The following DMBX1 variants were observed in gnomAD, a reference collection of about 807,000 sequenced individuals.
DMBX1 encodes diencephalon/mesencephalon homeobox 1, also known as diencephalon/mesencephalon homeobox protein 1.
In DMBX1, 7 loss-of-function variants were observed where a neutral mutation model predicts 30.4. The observed-to-expected ratio is 0.23, with a 90% CI of 0.13 to 0.43. DMBX1 has a LOEUF of 0.43. Among genes scored for constraint, DMBX1 ranks in the 20% least tolerant of loss-of-function variants. The pLI, the probability that DMBX1 is intolerant of heterozygous loss-of-function variation, is 1.00. For synonymous variants in DMBX1, 222 were observed against 214.2 expected, an observed-to-expected ratio of 1.04 and a Z score of -0.32; for missense variants, 460 against 508.5, an observed-to-expected ratio of 0.90 and a Z score of 0.92.
chr1:46,497,351 G>T (rs560490501), intron 2 of DMBX1, among the ~76,000 whole-genome samples: 13 of 152,308 alleles, frequency 8.5e-5, no homozygotes, highest in African/African-American at 3.1e-4. Context: ...GGTAGCTGTT[G>T]TTATTGTTGT....
Position 46,512,517 on chromosome 1 carries a change from A to T in DMBX1, c.*23A>T, listed in dbSNP as rs1210878365. On this transcript the variant is annotated 3_prime_UTR_variant, in exon 6 of 6. Transcript: ENST00000360032. The surrounding 1 kb of genome is among the most constrained non-coding windows in gnomAD (Gnocchi z 4.8). Reference sequence around the variant, plus strand: ...TGACTGTCTGGCTTCCAACCCAGCCAGGGGTCTTAGGTGTCCCCTCCTAGC... The same window carrying T: ...TGACTGTCTGGCTTCCAACCCAGCCTGGGGTCTTAGGTGTCCCCTCCTAGC... The T allele has an allele frequency of 6.3e-7, 1 of 1,589,596 alleles. No homozygotes were observed. Among genetic ancestry groups the T allele is most frequent in the African/African-American group, 1.3e-5 (1 of 74,556 alleles).
At chr1:46,501,113 C>G (rs768592150) in intron 2 of DMBX1, among the ~76,000 whole-genome samples, 1 of 152,022 alleles carries the variant, frequency 6.6e-6, no homozygotes, top group Non-Finnish European at 1.5e-5. Context: ...CTAATCTGAT[C>G]GGTAAACAAT....
chr1:46,511,018 T>C lies in DMBX1; in HGVS notation c.417T>C (p.Ala139=). The part of the protein sequence containing the change: ...QKEQLQKQKE[A]EGSHGEGKAE... ...AACAGCTCCAGAAGCAGAAGGAGGC[T>C]GAGGGCTCCCATGGGGAAGGCAAGG... The change falls in exon 5 of 6, where the codon GCT becomes GCC. Residue 139 remains alanine, a synonymous_variant. Coordinates refer to ENST00000360032, the MANE Select transcript of DMBX1 (RefSeq NM_172225.2). 1.2e-6 allele frequency: 2 copies of C among 1,614,084 alleles called. No individual in the cohort carries two copies. The highest frequency in any genetic ancestry group is 1.7e-6 in the Non-Finnish European group (2 of 1,179,996).
intron 2 of DMBX1, among the ~76,000 whole-genome samples, chr1:46,503,630 C>T (rs949676128): frequency 3.9e-5 from 6 of 152,140 alleles, no homozygotes; most frequent in Non-Finnish European, 7.3e-5. Flanking sequence ...AGAATGTCTG[C>T]GTACGTGTAT....
chr1:46,494,838 A>AC (rs113247392), intron 2 of DMBX1, among the ~76,000 whole-genome samples: 7,098 of 151,790 alleles, frequency 0.047, 552 homozygotes, highest in African/African-American at 0.16. Flanking sequence ...AGATTATTTG[A>AC]CCCCCCACAG....
chr1:46,508,782 G>A (rs147650775), intron 3 of DMBX1, among the ~76,000 whole-genome samples: 90 of 152,250 alleles, frequency 5.9e-4, no homozygotes, highest in African/African-American at 1.8e-3. Flanking sequence ...GGTTTAGAGA[G>A]CCTGGCTTCC....
At chr1:46,498,374 C>A (rs1380156836) in intron 2 of DMBX1, among the ~76,000 whole-genome samples, 1 of 152,236 alleles carries the variant, frequency 6.6e-6, no homozygotes, top group African/African-American at 2.4e-5. Flanking sequence ...TTACTAAGCA[C>A]CAACTGTATG....
At chr1:46,490,587 C>T (rs554134022) in intron 1 of DMBX1, among the ~76,000 whole-genome samples, 57 bp from the exon 2 acceptor site, 2 of 152,360 alleles carry the variant, frequency 1.3e-5, no homozygotes, top group East Asian at 3.9e-4. Context: ...CTGGTCCACG[C>T]GAACCCCGCA....
chr1:46,507,704 C>G (rs909263466), intron 3 of DMBX1, among the ~76,000 whole-genome samples: 4 of 152,148 alleles, frequency 2.6e-5, no homozygotes, highest in Non-Finnish European at 5.9e-5. Context: ...CTCAGAGAGG[C>G]TAAATCTGGG....
At position 46,512,631 on chromosome 1, in the gene DMBX1, C is replaced by G; in HGVS notation, c.*137C>G. The G allele has an allele frequency of 2.1e-6, 2 of 960,534 alleles. No individual in the cohort carries two copies. Among genetic ancestry groups the G allele is most frequent in the East Asian group, 5.3e-5 (2 of 37,876 alleles). The allele number at this position is 960,534 out of a possible 1,614,324, so 59.5% of individuals were successfully genotyped here. A position where few individuals can be genotyped will look rare whatever the true frequency, so the allele number is the denominator to read the frequency against. On this transcript the variant is annotated 3_prime_UTR_variant, in exon 6 of 6. Coordinates refer to ENST00000360032, the MANE Select transcript of DMBX1 (RefSeq NM_172225.2). This position sits in a 1 kb window ranked among gnomAD's most constrained non-coding sequence, Gnocchi z 4.8. ...TGGGGTCCTGTTCCCTGCTCCGCTT[C>G]CCCATACCCCAGCCCGAGGTGAAGC...
Position 46,512,369 on chromosome 1 carries a change from G to T in DMBX1, c.1009G>T (p.Ala337Ser). The T allele has an allele frequency of 2.5e-6, 4 of 1,613,992 alleles. No homozygotes were observed. Among genetic ancestry groups the T allele is most frequent in the Non-Finnish European group, 3.4e-6 (4 of 1,179,980 alleles). ...TGTGTGGGGGTCTCCTCTGCTGCCT[G>T]CACCCCCAGCAGGCCTGGCTCCTGC... ...QGVWGSPLLP[A>S]PPAGLAPASA... is the part of the protein sequence containing the mutation. Residue 337 changes from alanine (A) to serine (S), a missense_variant, in exon 6 of 6, where the codon GCA becomes TCA. This residue lies in a region of DMBX1 where 334 missense variants were observed against 345.1 expected (regional missense o/e 0.97). Transcript: ENST00000360032. This position sits in a 1 kb window ranked among gnomAD's most constrained non-coding sequence, Gnocchi z 4.8.
intron 2 of DMBX1, among the ~76,000 whole-genome samples, chr1:46,496,335 C>G (rs1294530272): frequency 1.3e-5 from 2 of 152,198 alleles, no homozygotes; most frequent in African/African-American, 4.8e-5. Flanking sequence ...TATCCTCCCA[C>G]TGCAGATTCC....
At chr1:46,502,775 G>T (rs1021705241) in intron 2 of DMBX1, among the ~76,000 whole-genome samples, 1 of 152,118 alleles carries the variant, frequency 6.6e-6, no homozygotes, top group Non-Finnish European at 1.5e-5. Flanking sequence ...GCACACCCAG[G>T]AGGCTGAGGT....
Position 46,507,135 on chromosome 1 carries a change from A to G in DMBX1, c.125A>G (p.His42Arg). The change falls in exon 3 of 6, where the codon CAT becomes CGT. Residue 42 changes from histidine (H) to arginine (R), a missense_variant. By Grantham distance (29) the His-to-Arg change is conservative. Coordinates refer to ENST00000360032, the MANE Select transcript of DMBX1 (RefSeq NM_172225.2). ...QHAPDYRPSV[H>R]ALTLAERLAD... Reference sequence around the variant, plus strand: ...GCCCCCGACTACCGGCCTTCAGTGCATGCGCTTACATTGGCTGAGCGCCTG... The same window carrying G: ...GCCCCCGACTACCGGCCTTCAGTGCGTGCGCTTACATTGGCTGAGCGCCTG... 4 of 1,614,230 alleles carry G rather than the reference A, an allele frequency of 2.5e-6. No homozygotes were observed. Among genetic ancestry groups the G allele is most frequent in the Non-Finnish European group, 3.4e-6 (4 of 1,180,040 alleles).
At chr1:46,494,483 G>A (rs990203889) in intron 2 of DMBX1, among the ~76,000 whole-genome samples, 1 of 152,184 alleles carries the variant, frequency 6.6e-6, no homozygotes, top group African/African-American at 2.4e-5. Context: ...CTCGGACCAA[G>A]GGATAATTGG....
rs1158361348 is a variant in DMBX1, at chr1:46,510,357, G to T, written c.155-119G>T. 1.5e-6 allele frequency: 2 copies of T among 1,301,700 alleles called. No individual in the cohort carries two copies. Among genetic ancestry groups the T allele is most frequent in the Admixed American group, 2.5e-5 (1 of 40,740 alleles). 80.6% of individuals were successfully genotyped at this position (1,301,700 alleles called of 1,614,324 possible). ...TGATTTCTAAGGGTAAGGGACCAGG[G>T]CCAGCTCTGGCAGCAGCCTGGGTGT... On this transcript the variant is annotated intron_variant, in intron 3 of 5. Coordinates refer to ENST00000360032, the MANE Select transcript of DMBX1 (RefSeq NM_172225.2). This position sits in a 1 kb window ranked among gnomAD's most constrained non-coding sequence, Gnocchi z 4.1.
At chr1:46,501,038 G>C (rs1337865186) in intron 2 of DMBX1, among the ~76,000 whole-genome samples, 1 of 152,078 alleles carries the variant, frequency 6.6e-6, no homozygotes, top group African/African-American at 2.4e-5. Context: ...CTGCCATCAA[G>C]GTAGGAGAAT....
At chr1:46,501,808 C>T (rs938722556) in intron 2 of DMBX1, among the ~76,000 whole-genome samples, 7 of 152,120 alleles carry the variant, frequency 4.6e-5, no homozygotes, top group Admixed American at 6.6e-5. Flanking sequence ...TGTGTGCCAC[C>T]GCACCCAGCT....
Position 46,510,648 on chromosome 1 carries a change from G to T in DMBX1, c.327G>T (p.Arg109=). Residue 109 remains arginine (R), a synonymous_variant, in exon 4 of 6, where the codon CGG becomes CGT. Coordinates refer to ENST00000360032, the MANE Select transcript of DMBX1 (RefSeq NM_172225.2). This position sits in a 1 kb window ranked among gnomAD's most constrained non-coding sequence, Gnocchi z 4.1. ...LAMCTNLPEA[R]VQVWFKNRRA... ...TGTGCACCAACCTGCCTGAGGCCCG[G>T]GTGCAGGTAGGGCCCAACTCTCCTA... The T allele has an allele frequency of 6.2e-7, 1 of 1,613,452 alleles. No homozygotes were observed. The highest frequency in any genetic ancestry group is 1.1e-5 in the South Asian group (1 of 91,036).
Sources: gnomAD v4.1 joint callset for allele counts (sites outside exome capture counted in the v4.1 genomes callset) on GRCh38, gnomAD v4.1.1 for gene constraint, gnomAD v4.1.1 regional missense constraint, Gnocchi (gnomAD v3.1) non-coding constraint, MANE v1.5 for transcripts, NCBI Gene and HGNC (gene_info 2026-07-23, HGNC 2026-07-21) for gene names.